FOXO3: variants seen among roughly 807,000 people sequenced by gnomAD.
FOXO3 encodes the protein forkhead box O3.
In FOXO3, 4 loss-of-function variants were observed where a neutral mutation model predicts 41.9. The ratio of observed to expected loss-of-function variants is 0.10; its 90% confidence interval spans 0.05 to 0.22. The LOEUF (loss-of-function observed/expected upper bound fraction) is 0.22, where lower values mean the gene tolerates loss of function less well. Among genes scored for constraint, FOXO3 ranks in the 10% least tolerant of loss-of-function variants. The probability of loss-of-function intolerance (pLI) is 1.00; values close to 1 mark genes in which losing one functional copy is unlikely to be tolerated. For missense variants in FOXO3, 534 were observed against 906.8 expected (o/e 0.59, Z 5.28); for synonymous variants, 318 against 389.3 (o/e 0.82, Z 2.16).
intron 1 of FOXO3, among the ~76,000 whole-genome samples, chr6:108,631,949 C>A (rs1483301218): frequency 6.6e-6 from 1 of 152,128 alleles, no homozygotes; most frequent in Non-Finnish European, 1.5e-5. Flanking sequence ...GAAACTGGGT[C>A]AGTTGTCCTG....
chr6:108,606,457 A>G (rs997543070), intron 1 of FOXO3, among the ~76,000 whole-genome samples: 26 of 152,244 alleles, frequency 1.7e-4, no homozygotes, highest in Non-Finnish European at 3.5e-4. Context: ...TTCTTGACAC[A>G]CATGGCAATG....
chr6:108,627,518 A>T (rs1250221181), intron 1 of FOXO3, among the ~76,000 whole-genome samples: 1 of 152,134 alleles, frequency 6.6e-6, no homozygotes. Flanking sequence ...GAGAAGTAAC[A>T]CAGAAAAAAA....
chr6:108,641,885 T>C (rs1778268559), intron 1 of FOXO3, among the ~76,000 whole-genome samples: 2 of 152,176 alleles, frequency 1.3e-5, no homozygotes, highest in South Asian at 4.1e-4. Flanking sequence ...GTACTTTGAA[T>C]ACAAATGCTA....
Position 108,561,071 on chromosome 6 carries a change from T to G in FOXO3, c.-138T>G. 7.0e-7 allele frequency: 1 copy of G among 1,426,260 alleles called. No individual in the cohort carries two copies. The highest frequency in any genetic ancestry group is 9.1e-7 in the Non-Finnish European group (1 of 1,100,698). The allele number at this position is 1,426,260 out of a possible 1,614,324, so 88.4% of individuals were successfully genotyped here. ...ATAACCAACTCTCCTTCTCTCTTCT[T>G]TGGTGCTTCCCCAGGCGGCGGCGGC... On this transcript the variant is annotated 5_prime_UTR_variant, in exon 1 of 3. Coordinates refer to ENST00000406360, the MANE Select transcript of FOXO3 (RefSeq NM_001455.4).
intron 1 of FOXO3, among the ~76,000 whole-genome samples, chr6:108,648,651 T>G (rs1778460238): frequency 6.6e-6 from 1 of 152,066 alleles, no homozygotes; most frequent in Non-Finnish European, 1.5e-5. Context: ...ATTTTATCTT[T>G]CATGGTTAAG....
rs1770989185 is a variant in FOXO3, at chr6:108,684,487, G to A, written c.*4695G>A. On this transcript the variant is annotated 3_prime_UTR_variant, in exon 3 of 3. Coordinates refer to ENST00000406360, the MANE Select transcript of FOXO3 (RefSeq NM_001455.4). The stretch of plus-strand genomic sequence containing the variant: ...CTGAGAGTCAAGCAGTTGAGACTTT[G>A]ATTTGAAGCACCTCATCCTTCTTTC... 6.6e-6 allele frequency: 1 copy of A among 152,388 alleles called. No homozygotes were observed. Among genetic ancestry groups the A allele is most frequent in the African/African-American group, 2.4e-5 (1 of 41,428 alleles). 9.4% of individuals were successfully genotyped at this position (152,388 alleles called of 1,614,324 possible).
At position 108,681,387 on chromosome 6, in the gene FOXO3, A is replaced by G. The variant is rs1249374747; in HGVS notation, c.*1595A>G. The G allele has an allele frequency of 6.6e-6, 1 of 152,608 alleles. No individual in the cohort carries two copies. Among genetic ancestry groups the G allele is most frequent in the Non-Finnish European group, 1.5e-5 (1 of 68,028 alleles). 9.5% of individuals were successfully genotyped at this position (152,608 alleles called of 1,614,324 possible). A position where few individuals can be genotyped will look rare whatever the true frequency, so the allele number is the denominator to read the frequency against. ...TAGGAATACAGGCTAGTATTTCAGCACAGACTTCCCTGCTTGAGTTCTTGC... is the reference window on the plus strand; with the variant it reads ...TAGGAATACAGGCTAGTATTTCAGCGCAGACTTCCCTGCTTGAGTTCTTGC... On this transcript the variant is annotated 3_prime_UTR_variant, in exon 3 of 3. Coordinates refer to ENST00000406360, the MANE Select transcript of FOXO3 (RefSeq NM_001455.4).
chr6:108,624,941 G>A (rs1286267255), intron 1 of FOXO3, among the ~76,000 whole-genome samples: 1 of 151,958 alleles, frequency 6.6e-6, no homozygotes, highest in Non-Finnish European at 1.5e-5. Flanking sequence ...AGTGTTTTTT[G>A]TTTTGTTTTG....
intron 1 of FOXO3, among the ~76,000 whole-genome samples, chr6:108,569,400 C>G (rs1338487081): frequency 6.6e-6 from 1 of 152,180 alleles, no homozygotes; most frequent in Non-Finnish European, 1.5e-5. Context: ...GGAAAAAGAA[C>G]TACGGTAGCT....
intron 2 of FOXO3, among the ~76,000 whole-genome samples, chr6:108,679,225 T>C (rs34914261): frequency 6.6e-6 from 1 of 151,982 alleles, no homozygotes; most frequent in African/African-American, 2.4e-5. Context: ...CTTTTTATGG[T>C]GGGGAATAGG....
At chr6:108,593,081 C>T (rs949468436) in intron 1 of FOXO3, among the ~76,000 whole-genome samples, 1 of 152,180 alleles carries the variant, frequency 6.6e-6, no homozygotes, top group African/African-American at 2.4e-5. Context: ...CATGTCTAGT[C>T]AGTGTTAGCC....
chr6:108,604,689 C>T (rs1777144047), intron 1 of FOXO3, among the ~76,000 whole-genome samples: 1 of 152,080 alleles, frequency 6.6e-6, no homozygotes. Context: ...GTTTCAGGCC[C>T]CCTCAACTTT....
chr6:108,679,613 A>C lies in FOXO3; in HGVS notation c.*35-214A>C, dbSNP rs571491893. Among the ~76,000 whole-genome samples the C allele has an allele frequency of 4.6e-5, 7 of 152,244 alleles. No individual in the cohort carries two copies. In the East Asian group the frequency reaches 1.4e-3, roughly 29 times the overall value. ...TTCAACTTCAGAGCATTTTGTAATA[A>C]GGACAACATGAGAAATAAGGTAAGT... is the stretch of plus-strand genomic sequence containing the variant. On this transcript the variant is annotated intron_variant, in intron 2 of 2. Coordinates refer to ENST00000406360, the MANE Select transcript of FOXO3 (RefSeq NM_001455.4).
intron 2 of FOXO3, among the ~76,000 whole-genome samples, chr6:108,673,274 G>A (rs547778950): frequency 1.3e-5 from 2 of 152,126 alleles, no homozygotes; most frequent in South Asian, 4.1e-4. Context: ...AGCCCCAGCC[G>A]GCACTTACAC....
At chr6:108,634,600 C>T (rs1373484703) in intron 1 of FOXO3, among the ~76,000 whole-genome samples, 1 of 151,980 alleles carries the variant, frequency 6.6e-6, no homozygotes, top group Non-Finnish European at 1.5e-5. Flanking sequence ...TTTAGAAAGC[C>T]AACTCCAACA....
intron 1 of FOXO3, among the ~76,000 whole-genome samples, chr6:108,564,295 T>G (rs542557579): frequency 1.7e-4 from 26 of 152,302 alleles, no homozygotes; most frequent in African/African-American, 4.6e-4. Context: ...CAACCTTTTT[T>G]TGTGTGTGCT....
At chr6:108,672,237 G>A (rs1273979148) in intron 2 of FOXO3, among the ~76,000 whole-genome samples, 3 of 152,236 alleles carry the variant, frequency 2.0e-5, no homozygotes, top group Non-Finnish European at 4.4e-5. Context: ...ATAGCATGGT[G>A]TTGGCAGTAG....
At chr6:108,578,573 A>G (rs900551757) in intron 1 of FOXO3, among the ~76,000 whole-genome samples, 2 of 152,138 alleles carry the variant, frequency 1.3e-5, no homozygotes, top group Non-Finnish European at 2.9e-5. Context: ...CCACATGTTC[A>G]CCTTAGTGCA....
chr6:108,570,000 T>G (rs1776053328), intron 1 of FOXO3, among the ~76,000 whole-genome samples: 1 of 130,190 alleles, frequency 7.7e-6, no homozygotes, highest in African/African-American at 3.0e-5. Flanking sequence ...TTTTTTTTTT[T>G]TTTTTTTTTT....
Sources: allele counts gnomAD v4.1 joint callset (sites outside exome capture counted in the v4.1 genomes callset), GRCh38; gene constraint gnomAD v4.1.1; transcripts MANE v1.5; gene names NCBI Gene and HGNC (gene_info 2026-07-23, HGNC 2026-07-21).